PVT1: variants seen among roughly 807,000 people sequenced by gnomAD.
The protein encoded by PVT1 is CXCR4/PVT1 fusion.
chr8:127,889,408 G>A (rs1815571878), intron 2 of PVT1, among the ~76,000 whole-genome samples: 1 of 151,720 alleles, frequency 6.6e-6, no homozygotes, highest in Non-Finnish European at 1.5e-5. Flanking sequence ...AGGATTACAG[G>A]CGTGAGCCAC....
At chr8:127,799,169 C>T (rs993419559) in intron 2 of PVT1, among the ~76,000 whole-genome samples, 1 of 151,334 alleles carries the variant, frequency 6.6e-6, no homozygotes, top group Non-Finnish European at 1.5e-5. Context: ...TGTTTATCTG[C>T]CTCTTTATTA....
At chr8:128,097,434 G>A (rs935361147) in intron 6 of PVT1, among the ~76,000 whole-genome samples, 2 of 152,124 alleles carry the variant, frequency 1.3e-5, no homozygotes, top group Admixed American at 1.3e-4. Context: ...TAAGAACTCT[G>A]AGTTAAGAAT....
chr8:128,043,288 G>T (rs2130092173), intron 4 of PVT1, among the ~76,000 whole-genome samples: 1 of 152,330 alleles, frequency 6.6e-6, no homozygotes, highest in South Asian at 2.1e-4. Context: ...GGTTAGATCT[G>T]TAGCTGGATA....
chr8:128,023,969 A>G (rs1232437468), intron 4 of PVT1, among the ~76,000 whole-genome samples: 4 of 152,204 alleles, frequency 2.6e-5, no homozygotes, highest in African/African-American at 9.6e-5. Flanking sequence ...GCGTGGAGGA[A>G]TTGCTCTCCT....
chr8:127,806,657 C>T (rs535493551), intron 2 of PVT1, among the ~76,000 whole-genome samples: 24 of 152,160 alleles, frequency 1.6e-4, no homozygotes, highest in Non-Finnish European at 3.4e-4. Flanking sequence ...TAGAACATTT[C>T]CATCGTTCAC....
chr8:127,932,414 G>A, intron 3 of PVT1: 1 of 398,616 alleles, frequency 2.5e-6, no homozygotes, highest in South Asian at 1.3e-4. Context: ...GAACATGGGA[G>A]GACATGCGAG....
intron 2 of PVT1, among the ~76,000 whole-genome samples, chr8:127,868,937 A>G (rs1260874276): frequency 1.3e-5 from 2 of 150,990 alleles, no homozygotes; most frequent in Non-Finnish European, 2.9e-5. Flanking sequence ...GGTATTCAGG[A>G]GTTGCTTCTG....
chr8:127,855,626 G>C (rs576030297), intron 2 of PVT1, among the ~76,000 whole-genome samples: 1 of 152,304 alleles, frequency 6.6e-6, no homozygotes, highest in South Asian at 2.1e-4. Flanking sequence ...CTCCCCAGGA[G>C]AGACTGGAGA....
rs909090765 is a variant in PVT1, at chr8:127,960,006, C to T, written n.783-29156C>T. ...CCTTCCCCGGATGCAGTATGTGATT[C>T]CTGGAAGGGGTCTCCTGTACGTCGT... On this transcript the variant is annotated intron_variant and non_coding_transcript_variant, in intron 3 of 10. Coordinates refer to ENST00000651587, the Ensembl canonical transcript of PVT1. Among the ~76,000 whole-genome samples, 6 of 152,252 alleles carry T rather than the reference C, an allele frequency of 3.9e-5. No individual in the cohort carries two copies. The East Asian group carries it at 7.7e-4, about 20-fold the overall frequency.
chr8:128,061,838 A>G (rs551118942), intron 4 of PVT1, among the ~76,000 whole-genome samples: 29 of 152,364 alleles, frequency 1.9e-4, no homozygotes, highest in African/African-American at 7.0e-4. Flanking sequence ...AAAACTCATC[A>G]AACTGTTTAT....
intron 3 of PVT1, among the ~76,000 whole-genome samples, chr8:127,918,993 G>A (rs1264429896): frequency 6.6e-6 from 1 of 152,078 alleles, no homozygotes; most frequent in African/African-American, 2.4e-5. Flanking sequence ...AGTTCTCTGG[G>A]TTCTGATCGT....
chr8:128,027,973 G>A (rs950422186), intron 4 of PVT1, among the ~76,000 whole-genome samples: 15 of 152,178 alleles, frequency 9.9e-5, no homozygotes, highest in South Asian at 4.1e-4. Flanking sequence ...TCCTGCAGGC[G>A]TAGGCTGCCC....
At chr8:127,916,643 G>T (rs925797383) in intron 3 of PVT1, among the ~76,000 whole-genome samples, 5 of 152,170 alleles carry the variant, frequency 3.3e-5, no homozygotes, top group South Asian at 2.1e-4. Context: ...ATTCCCGGAA[G>T]ATCCAAATGC....
chr8:127,993,322 G>A (rs895286050), intron 4 of PVT1, among the ~76,000 whole-genome samples: 3 of 152,196 alleles, frequency 2.0e-5, no homozygotes, highest in Non-Finnish European at 2.9e-5. Context: ...AGGCCCAGTC[G>A]GGGAGCAGTG....
At chr8:127,934,532 C>A (rs1240279360) in intron 3 of PVT1, among the ~76,000 whole-genome samples, 2 of 152,174 alleles carry the variant, frequency 1.3e-5, no homozygotes, top group Non-Finnish European at 2.9e-5. Context: ...AAAGAGTTGG[C>A]CAGCCTTTGT....
At chr8:127,907,746 C>T (rs938130317) in intron 3 of PVT1, among the ~76,000 whole-genome samples, 3 of 152,132 alleles carry the variant, frequency 2.0e-5, no homozygotes, top group Non-Finnish European at 2.9e-5. Flanking sequence ...AAATCCTCAC[C>T]GTTTCAGACC....
chr8:127,809,096 A>G (rs1023873725), intron 2 of PVT1, among the ~76,000 whole-genome samples: 3 of 151,868 alleles, frequency 2.0e-5, no homozygotes, highest in Admixed American at 6.6e-5. Context: ...CTTGGAGGGC[A>G]AAGTTTGAGG....
intron 4 of PVT1, chr8:128,048,637 C>T (rs1394671686): frequency 6.6e-6 from 1 of 152,294 alleles, no homozygotes; most frequent in African/African-American, 2.4e-5. Flanking sequence ...GGGTTTGGGT[C>T]CTCGCTCCAG....
chr8:128,069,182 T>C (rs1442475816), intron 4 of PVT1, among the ~76,000 whole-genome samples: 1 of 152,218 alleles, frequency 6.6e-6, no homozygotes, highest in Non-Finnish European at 1.5e-5. Flanking sequence ...ACAAAACCTG[T>C]ATAGAGAGAG....
Sources: allele counts gnomAD v4.1 joint callset (sites outside exome capture counted in the v4.1 genomes callset), GRCh38; gene constraint gnomAD v4.1.1; transcripts MANE v1.5; gene names NCBI Gene and HGNC (gene_info 2026-07-23, HGNC 2026-07-21).